The following RIDA variants were observed in gnomAD, a reference collection of about 807,000 sequenced individuals.
RIDA encodes the protein 2-iminobutanoate/2-iminopropanoate deaminase.
RIDA carries 17 observed loss-of-function variants against 17.8 expected under a neutral mutation model. The ratio of observed to expected loss-of-function variants is 0.96; its 90% CI spans 0.65 to 1.43. The LOEUF is 1.43. RIDA is among the 40% of genes most tolerant of loss of function. The pLI, the probability that RIDA is intolerant of heterozygous loss-of-function variation, is 0.00. For synonymous variants in RIDA, 48 were observed against 55.7 expected (o/e 0.86, Z 0.62); for missense variants, 158 against 161.7 (o/e 0.98, Z 0.12).
At chr8:98,106,877 G>A (rs1282523619) in intron 2 of RIDA, among the ~76,000 whole-genome samples, 1 of 151,878 alleles carries the variant, frequency 6.6e-6, no homozygotes, top group African/African-American at 2.4e-5. Flanking sequence ...CTTCTAAATA[G>A]GTAATACATG....
In RIDA at chr8:98,106,080, A is replaced by G. The variant is rs935484060; in HGVS notation, c.227-74T>C. On this transcript the variant is annotated intron_variant, in intron 3 of 5. Coordinates refer to ENST00000254878, the MANE Select transcript of RIDA (RefSeq NM_005836.3). ...AAAACATTACTTAGAAAAAGAGTGT[A>G]TGAATCTGAGACTGTCTTGATTAAA... 3.3e-6 allele frequency: 4 copies of G among 1,196,994 alleles called. No individual in the cohort carries two copies. The African/African-American group carries it at 6.0e-5, about 18-fold the overall frequency. The allele number at this position is 1,196,994 out of a possible 1,614,324, so 74.1% of individuals were successfully genotyped here.
chr8:98,110,790 A>T (rs1815716239), intron 1 of RIDA, among the ~76,000 whole-genome samples: 1 of 152,058 alleles, frequency 6.6e-6, no homozygotes, highest in Non-Finnish European at 1.5e-5. Flanking sequence ...TAATCCCCAC[A>T]TGTTGAGAGT....
At chr8:98,116,185 C>A (rs1815819738) in intron 1 of RIDA, among the ~76,000 whole-genome samples, 1 of 152,240 alleles carries the variant, frequency 6.6e-6, no homozygotes, top group Non-Finnish European at 1.5e-5. Context: ...GACTACCTCT[C>A]ACAAGGAACC....
chr8:98,102,872 G>T lies in RIDA; in HGVS notation c.384C>A (p.Ile128=). The T allele has an allele frequency of 6.2e-7, 1 of 1,613,340 alleles. No homozygotes were observed. Among genetic ancestry groups the T allele is most frequent in the Non-Finnish European group, 8.5e-7 (1 of 1,179,438 alleles). The change falls in exon 6 of 6, where the codon ATC becomes ATA. Residue 128 remains isoleucine (I), a synonymous_variant. Transcript: ENST00000254878. The part of the protein sequence containing the change: ...GSRIEIEAVA[I]QGPLTTASL ...GTGATGCCGTTGTCAGTGGTCCTTG[G>T]ATAGCTACTGCTTCAATTTCAATTC... is the stretch of plus-strand genomic sequence containing the variant.
chr8:98,105,951 T>G lies in RIDA; in HGVS notation c.282A>C (p.Glu94Asp). 6.2e-7 allele frequency: 1 copy of G among 1,603,556 alleles called. No homozygotes were observed. The highest frequency in any genetic ancestry group is 2.2e-5 in the East Asian group (1 of 44,748). ...CAAATTACTTACACTGTTTGTAGAT[T>G]TCATTGACAGTATTGAAGTCATTTA... is the stretch of plus-strand genomic sequence containing the variant. Reference protein sequence around the residue: ...ADINDFNTVNEIYKQYFKSNF... With the variant: ...ADINDFNTVNDIYKQYFKSNF... Residue 94 changes from glutamate (E) to aspartate (D), a missense_variant, in exon 4 of 6, where the codon GAA becomes GAC. Glu to Asp is a conservative substitution (Grantham distance 45, BLOSUM62 2). Coordinates refer to ENST00000254878, the MANE Select transcript of RIDA (RefSeq NM_005836.3).
At chr8:98,116,597 A>T (rs1477269877) in intron 1 of RIDA, among the ~76,000 whole-genome samples, 1 of 152,200 alleles carries the variant, frequency 6.6e-6, no homozygotes, top group Non-Finnish European at 1.5e-5. Context: ...TTTTGGGGTG[A>T]TGAAAATGTT....
At chr8:98,116,899 T>G in intron 1 of RIDA, 133 bp downstream of exon 1, 2 of 709,678 alleles carry the variant, frequency 2.8e-6, no homozygotes, top group Admixed American at 2.7e-5. Context: ...CTGTGGGTCT[T>G]CGGGCGCGTT....
At chr8:98,106,190 G>T in intron 3 of RIDA, 82 bp downstream of exon 3, 1 of 1,302,504 alleles carries the variant, frequency 7.7e-7, no homozygotes, top group Non-Finnish European at 1.1e-6. Context: ...ATATGGCACG[G>T]CATCTTACTG....
At chr8:98,108,832 G>C in intron 1 of RIDA, 81 bp from the exon 2 acceptor site, 2 of 787,358 alleles carry the variant, frequency 2.5e-6, no homozygotes, top group Admixed American at 4.5e-5. Context: ...TGATAGGACA[G>C]AGAAGTATAA....
At chr8:98,104,874 C>G (rs1815611474) in intron 4 of RIDA, among the ~76,000 whole-genome samples, 1 of 151,982 alleles carries the variant, frequency 6.6e-6, no homozygotes, top group African/African-American at 2.4e-5. Context: ...CCATGCCTGG[C>G]TCATTTTTGT....
At chr8:98,109,203 A>G (rs1292258547) in intron 1 of RIDA, among the ~76,000 whole-genome samples, 1 of 152,080 alleles carries the variant, frequency 6.6e-6, no homozygotes, top group Non-Finnish European at 1.5e-5. Flanking sequence ...GACCCAAAAT[A>G]AAAAAAGGGG....
chr8:98,108,261 C>A (rs1815661965), intron 2 of RIDA, among the ~76,000 whole-genome samples: 1 of 151,916 alleles, frequency 6.6e-6, no homozygotes, highest in Admixed American at 6.6e-5. Flanking sequence ...ATTATATTCC[C>A]CATTCTTATT....
intron 1 of RIDA, among the ~76,000 whole-genome samples, chr8:98,115,705 C>T (rs1815804893): frequency 6.6e-6 from 1 of 152,064 alleles, no homozygotes; most frequent in African/African-American, 2.4e-5. Context: ...AAACATCACT[C>T]TTAACAAAGA....
intron 1 of RIDA, among the ~76,000 whole-genome samples, chr8:98,111,595 G>GA (rs1325279513): frequency 2.0e-5 from 3 of 146,940 alleles, no homozygotes. Flanking sequence ...AACAGAGCAA[G>GA]ACTCTGTGTC....
chr8:98,116,496 A>G (rs1487759008), intron 1 of RIDA, among the ~76,000 whole-genome samples: 1 of 152,212 alleles, frequency 6.6e-6, no homozygotes, highest in Non-Finnish European at 1.5e-5. Context: ...GGAAATGTCC[A>G]CAACAAGCAA....
At chr8:98,110,326 A>T (rs1815708239) in intron 1 of RIDA, among the ~76,000 whole-genome samples, 4 of 151,966 alleles carry the variant, frequency 2.6e-5, no homozygotes, top group Admixed American at 2.6e-4. Context: ...GCAGTGGCAC[A>T]ATCTTGGCTC....
In RIDA at chr8:98,116,566, G is replaced by A. The variant is rs118011474; in HGVS notation, c.65+466C>T. 1.8e-3 allele frequency among the ~76,000 whole-genome samples: 268 copies of A among 152,282 alleles called. 1 individual carries two copies. The highest frequency in any genetic ancestry group is 2.9e-3 in the Non-Finnish European group (199 of 68,010). ...GGGGAGAGGAGAATGGGGAGTGAAT[G>A]CTAATGGGGATGGGATTTATTTTTG... On this transcript the variant is annotated intron_variant, in intron 1 of 5. Coordinates refer to ENST00000254878, the MANE Select transcript of RIDA (RefSeq NM_005836.3).
chr8:98,117,168 G>T lies in RIDA; in HGVS notation c.-72C>A. 2.8e-6 allele frequency: 4 copies of T among 1,425,534 alleles called. No individual in the cohort carries two copies. Among genetic ancestry groups the T allele is most frequent in the South Asian group, 1.1e-5 (1 of 87,344 alleles). The allele number at this position is 1,425,534 out of a possible 1,614,324, so 88.3% of individuals were successfully genotyped here. On this transcript the variant is annotated 5_prime_UTR_variant, in exon 1 of 6. Coordinates refer to ENST00000254878, the MANE Select transcript of RIDA (RefSeq NM_005836.3). ...CACCAGCCCTGCTGGCTTCTTACTGGACTGACCAACCACAGCAGCGCCTCT... is the reference window on the plus strand; with the variant it reads ...CACCAGCCCTGCTGGCTTCTTACTGTACTGACCAACCACAGCAGCGCCTCT...
Position 98,104,535 on chromosome 8 carries a change from C to A in RIDA, c.305G>T (p.Ser102Ile). 6.3e-7 allele frequency: 1 copy of A among 1,579,080 alleles called. No homozygotes were observed. Among genetic ancestry groups the A allele is most frequent in the East Asian group, 2.2e-5 (1 of 44,704 alleles). ...VNEIYKQYFK[S>I]NFPARAAYQV... ...GTAAGCAGCTCTAGCAGGAAAATTACTCTTGAAATCTGAATTTAAAAGAAT... is the reference window on the plus strand; with the variant it reads ...GTAAGCAGCTCTAGCAGGAAAATTAATCTTGAAATCTGAATTTAAAAGAAT... Residue 102 changes from serine (S) to isoleucine (I), a missense_variant, in exon 5 of 6, where the codon AGT becomes ATT. Coordinates refer to ENST00000254878, the MANE Select transcript of RIDA (RefSeq NM_005836.3).
Sources: gnomAD v4.1 joint callset for allele counts (sites outside exome capture counted in the v4.1 genomes callset) on GRCh38, gnomAD v4.1.1 for gene constraint, MANE v1.5 for transcripts, NCBI Gene and HGNC (gene_info 2026-07-23, HGNC 2026-07-21) for gene names.